The following CD109 variants were observed in gnomAD, a reference collection of about 807,000 sequenced individuals.
The protein encoded by CD109 is CD109 molecule, also known as CD109 antigen.
Under a neutral mutation model 165.8 loss-of-function variants are expected in CD109, and 149 were observed. That is an observed-to-expected ratio of 0.90 (90% confidence interval 0.79 to 1.03). The LOEUF is 1.03. CD109 is among the 50% of genes least tolerant of loss of function. The pLI, the probability that CD109 is intolerant of heterozygous loss-of-function variation, is 0.00. For synonymous variants in CD109, 585 were observed against 592.1 expected (o/e 0.99, Z 0.18); for missense variants, 1,712 against 1,677.8 (o/e 1.02, Z -0.36).
At chr6:73,733,266 A>G (rs1470249650) in intron 4 of CD109, among the ~76,000 whole-genome samples, 1 of 152,180 alleles carries the variant, frequency 6.6e-6, no homozygotes, top group African/African-American at 2.4e-5. Flanking sequence ...GCACAGCACC[A>G]CCTGCAGGCT....
intron 4 of CD109, among the ~76,000 whole-genome samples, chr6:73,730,973 G>A (rs951018022): frequency 6.6e-6 from 1 of 151,930 alleles, no homozygotes; most frequent in South Asian, 2.1e-4. Context: ...GGACAGATAT[G>A]TATGTATTTG....
intron 15 of CD109, among the ~76,000 whole-genome samples, chr6:73,773,223 CATATA>C (rs966859466): frequency 1.4e-4 from 21 of 150,316 alleles, no homozygotes; most frequent in Non-Finnish European, 2.8e-4. Context: ...TTTATATATA[CATATA>C]ATATATGCAT....
At chr6:73,768,279 A>T (rs1178342529) in intron 14 of CD109, 48 bp downstream of exon 14, 10 of 1,117,664 alleles carry the variant, frequency 8.9e-6, no homozygotes, top group Admixed American at 6.8e-5. Flanking sequence ...ATATTAGTGA[A>T]GTCTGAGAAA....
At chr6:73,681,429 T>C in the CD109 span, among the ~76,000 whole-genome samples, 1 of 151,712 alleles carries the variant, frequency 6.6e-6, no homozygotes, top group Non-Finnish European at 1.5e-5. Context: ...ATTATTGTAT[T>C]AGTCTGTTTT....
chr6:73,744,180 A>C (rs1772895068), intron 5 of CD109, among the ~76,000 whole-genome samples: 1 of 152,342 alleles, frequency 6.6e-6, no homozygotes, highest in Non-Finnish European at 1.5e-5. Context: ...ATTTAAAAAA[A>C]TGTCTGCCTC....
At chr6:73,686,787 G>A in the CD109 span, among the ~76,000 whole-genome samples, 1 of 152,276 alleles carries the variant, frequency 6.6e-6, no homozygotes, top group East Asian at 1.9e-4. Flanking sequence ...CGCCTCCCGG[G>A]TTCAAGTGAT....
chr6:73,720,648 T>A (rs1013828892), intron 2 of CD109, among the ~76,000 whole-genome samples: 2 of 152,160 alleles, frequency 1.3e-5, no homozygotes, highest in Non-Finnish European at 2.9e-5. Context: ...TTATTACTTG[T>A]CAATTAAAAA....
the CD109 span, among the ~76,000 whole-genome samples, chr6:73,681,324 T>TTGTGTGTGTGTGTG: frequency 7.3e-3 from 1,067 of 145,670 alleles, 10 homozygotes; most frequent in Middle Eastern, 0.047. Flanking sequence ...CAGTTACCAT[T>TTGTGTGTGTGTGTG]TGTGTGTGTG....
chr6:73,697,637 T>C (rs1173828594), intron 2 of CD109, 65 bp downstream of exon 2: 11 of 1,455,594 alleles, frequency 7.6e-6, no homozygotes, highest in Admixed American at 1.9e-5. Flanking sequence ...AATAAGGTCA[T>C]GTGTTAGGTA....
chr6:73,806,806 A>C, intron 24 of CD109, 38 bp from the exon 25 acceptor site: 1 of 1,484,632 alleles, frequency 6.7e-7, no homozygotes, highest in Non-Finnish European at 9.3e-7. Context: ...GGACCTTATA[A>C]AGTGTATTTT....
chr6:73,759,353 C>T (rs77526486), intron 7 of CD109, among the ~76,000 whole-genome samples: 3,562 of 151,432 alleles, frequency 0.024, 138 homozygotes, highest in African/African-American at 0.08. Flanking sequence ...ATTTTTTTTC[C>T]TTTATAGAGA....
intron 28 of CD109, among the ~76,000 whole-genome samples, chr6:73,811,783 A>T (rs1479374500): frequency 1.3e-5 from 2 of 152,190 alleles, no homozygotes; most frequent in Non-Finnish European, 2.9e-5. Context: ...GAAAGTGATG[A>T]AGAGTGGTGA....
At chr6:73,774,503 G>A (rs927864894) in intron 15 of CD109, among the ~76,000 whole-genome samples, 11 of 152,198 alleles carry the variant, frequency 7.2e-5, no homozygotes, top group Non-Finnish European at 5.9e-5. Context: ...AGGAGGAGGA[G>A]AGGAAGAGTG....
At chr6:73,732,846 C>T (rs1246925415) in intron 4 of CD109, among the ~76,000 whole-genome samples, 8 of 152,130 alleles carry the variant, frequency 5.3e-5, no homozygotes, top group African/African-American at 1.4e-4. Context: ...TAGCAGACCA[C>T]GTTTGGCTTT....
chr6:73,762,171 C>T (rs1773661292), intron 7 of CD109, among the ~76,000 whole-genome samples: 1 of 152,054 alleles, frequency 6.6e-6, no homozygotes, highest in African/African-American at 2.4e-5. Context: ...CTATGTTGGC[C>T]AGGCTGGTCT....
intron 23 of CD109, among the ~76,000 whole-genome samples, chr6:73,794,392 C>T (rs1295395470): frequency 6.6e-6 from 1 of 152,152 alleles, no homozygotes; most frequent in East Asian, 1.9e-4. Flanking sequence ...TTGAGTATCA[C>T]CACCGTGTAA....
At chr6:73,779,256 T>TC in intron 15 of CD109, among the ~76,000 whole-genome samples, 2 of 151,676 alleles carry the variant, frequency 1.3e-5, no homozygotes, top group Non-Finnish European at 2.9e-5. Context: ...TTCATTTCTT[T>TC]TTTTTTTTTT....
chr6:73,730,419 A>G lies in CD109; in HGVS notation c.352A>G (p.Asn118Asp). ...GRTQDEILFS[N>D]STRLSFETKR... ...TACCCAGGATGAGATTTTATTCTCT[A>G]ATAGTACCCGCTTATCATTTGAGAC... The change falls in exon 4 of 33, where the codon AAT becomes GAT. Residue 118 changes from asparagine to aspartate, a missense_variant. Coordinates refer to ENST00000287097, the MANE Select transcript of CD109 (RefSeq NM_133493.5). The G allele has an allele frequency of 3.1e-6, 5 of 1,613,804 alleles. No homozygotes were observed. Among genetic ancestry groups the G allele is most frequent in the Non-Finnish European group, 3.4e-6 (4 of 1,179,690 alleles).
chr6:73,740,833 C>A (rs1286156884), intron 5 of CD109, among the ~76,000 whole-genome samples: 1 of 152,004 alleles, frequency 6.6e-6, no homozygotes, highest in Non-Finnish European at 1.5e-5. Context: ...TCAAGTGATG[C>A]ACCCTACTCG....
Sources: gnomAD v4.1 joint callset for allele counts (sites outside exome capture counted in the v4.1 genomes callset) on GRCh38, gnomAD v4.1.1 for gene constraint, MANE v1.5 for transcripts, NCBI Gene and HGNC (gene_info 2026-07-23, HGNC 2026-07-21) for gene names.